ARHGAP24: variants seen among roughly 807,000 people sequenced by gnomAD.
The protein encoded by ARHGAP24 is rho GTPase-activating protein 24.
Under a neutral mutation model 76.4 loss-of-function variants are expected in ARHGAP24, and 50 were observed. The ratio of observed to expected loss-of-function variants is 0.65; its 90% CI spans 0.52 to 0.83. ARHGAP24 has a LOEUF of 0.83. Among genes scored for constraint, ARHGAP24 ranks in the 40% least tolerant of loss-of-function variants. The probability of loss-of-function intolerance (pLI) is 0.00; values close to 1 mark genes in which losing one functional copy is unlikely to be tolerated. For synonymous variants in ARHGAP24, 345 were observed against 323.3 expected (o/e 1.07, Z -0.72); for missense variants, 930 against 914.2 (o/e 1.02, Z -0.22).
At chr4:85,580,571 T>C (rs538980888) in intron 2 of ARHGAP24, among the ~76,000 whole-genome samples, 1 of 152,124 alleles carries the variant, frequency 6.6e-6, no homozygotes, top group Non-Finnish European at 1.5e-5. Flanking sequence ...CCCCTCCACA[T>C]GGCCCCAAAA....
intron 2 of ARHGAP24, among the ~76,000 whole-genome samples, chr4:85,591,407 A>G (rs184378307): frequency 2.6e-5 from 4 of 152,268 alleles, no homozygotes; most frequent in African/African-American, 9.6e-5. Flanking sequence ...CATATCTACC[A>G]ATGCTCATCT....
intron 2 of ARHGAP24, among the ~76,000 whole-genome samples, chr4:85,638,926 C>G (rs1043175947): frequency 3.3e-5 from 5 of 152,154 alleles, no homozygotes; most frequent in African/African-American, 1.2e-4. Context: ...GACATAATCT[C>G]ATGGTGCTAA....
chr4:85,981,383 A>G (rs1739659376), intron 8 of ARHGAP24, among the ~76,000 whole-genome samples: 1 of 152,156 alleles, frequency 6.6e-6, no homozygotes, highest in African/African-American at 2.4e-5. Flanking sequence ...TAAATTCCTA[A>G]GCACATTTCT....
intron 3 of ARHGAP24, among the ~76,000 whole-genome samples, chr4:85,785,903 A>G (rs1488856431): frequency 6.6e-6 from 1 of 152,158 alleles, no homozygotes; most frequent in East Asian, 1.9e-4. Flanking sequence ...TAAAGTGACC[A>G]TCATTTCTTA....
At chr4:85,894,954 C>G (rs1734058034) in intron 3 of ARHGAP24, among the ~76,000 whole-genome samples, 1 of 71,688 alleles carries the variant, frequency 1.4e-5, no homozygotes, top group Admixed American at 2.0e-4. Flanking sequence ...GAATGAGACT[C>G]CCTCTCAAAA....
At chr4:85,898,128 G>A (rs1734302259) in intron 3 of ARHGAP24, among the ~76,000 whole-genome samples, 1 of 149,904 alleles carries the variant, frequency 6.7e-6, no homozygotes, top group South Asian at 2.1e-4. Flanking sequence ...AAATGAAATT[G>A]TCTCCAAAAG....
chr4:85,925,299 T>C (rs149013569), intron 4 of ARHGAP24, among the ~76,000 whole-genome samples: 288 of 152,362 alleles, frequency 1.9e-3, no homozygotes, highest in African/African-American at 6.7e-3. Flanking sequence ...CTGCACACAC[T>C]ACCCGCTGCC....
chr4:85,710,417 A>G (rs557776328), intron 2 of ARHGAP24, among the ~76,000 whole-genome samples: 12 of 152,288 alleles, frequency 7.9e-5, no homozygotes, highest in African/African-American at 2.6e-4. Flanking sequence ...GGACATAGGA[A>G]TAGGCAAATA....
chr4:85,547,865 A>C lies in ARHGAP24; in HGVS notation c.-20-22657A>C, dbSNP rs561679964. On this transcript the variant is annotated intron_variant, in intron 1 of 9. Coordinates refer to ENST00000395184, the MANE Select transcript of ARHGAP24 (RefSeq NM_001025616.3). ...CTATTTAAATATCTTTTTTCTGTCAAACTTCTACCTACTAGTTTTTGCATC... is the reference window on the plus strand; with the variant it reads ...CTATTTAAATATCTTTTTTCTGTCACACTTCTACCTACTAGTTTTTGCATC... 2.3e-3 allele frequency among the ~76,000 whole-genome samples: 351 copies of C among 152,298 alleles called. 3 individuals carry two copies. The highest frequency in any genetic ancestry group is 8.0e-3 in the African/African-American group (333 of 41,560).
chr4:85,775,899 A>C (rs1727292637), intron 3 of ARHGAP24, among the ~76,000 whole-genome samples: 1 of 152,132 alleles, frequency 6.6e-6, no homozygotes, highest in Non-Finnish European at 1.5e-5. Context: ...GAAGCAGGGG[A>C]ATGATGGGAA....
chr4:85,789,786 C>T (rs1228464990), intron 3 of ARHGAP24, among the ~76,000 whole-genome samples: 9 of 152,208 alleles, frequency 5.9e-5, no homozygotes, highest in African/African-American at 1.9e-4. Flanking sequence ...GCCTTCTCCT[C>T]GAGAGACAAT....
At chr4:85,693,107 G>T (rs1315074029) in intron 2 of ARHGAP24, among the ~76,000 whole-genome samples, 11 of 152,176 alleles carry the variant, frequency 7.2e-5, no homozygotes, top group African/African-American at 2.7e-4. Flanking sequence ...TGATCCAGTA[G>T]ATGGCAATTA....
chr4:85,627,718 C>G (rs1015294305), intron 2 of ARHGAP24, among the ~76,000 whole-genome samples: 2 of 152,210 alleles, frequency 1.3e-5, no homozygotes, highest in Non-Finnish European at 2.9e-5. Context: ...TGGGCTCCAC[C>G]CAGTTCCAGC....
intron 3 of ARHGAP24, 116 bp from the exon 4 acceptor site, chr4:85,923,532 T>C: frequency 7.1e-7 from 1 of 1,413,276 alleles, no homozygotes; most frequent in Non-Finnish European, 9.8e-7. Flanking sequence ...CATCATTGGG[T>C]AGAACTTAGT....
chr4:85,945,502 G>A (rs1033463586), intron 5 of ARHGAP24, among the ~76,000 whole-genome samples: 1 of 152,052 alleles, frequency 6.6e-6, no homozygotes, highest in African/African-American at 2.4e-5. Flanking sequence ...GGTGGCTCAT[G>A]CCTATAATCC....
chr4:85,846,860 T>C (rs562623043), intron 3 of ARHGAP24, among the ~76,000 whole-genome samples: 5 of 152,364 alleles, frequency 3.3e-5, no homozygotes, highest in South Asian at 2.1e-4. Context: ...TCATTATTTA[T>C]GTGTCAGGGT....
chr4:85,631,132 T>C (rs923974659), intron 2 of ARHGAP24, among the ~76,000 whole-genome samples: 5 of 152,186 alleles, frequency 3.3e-5, no homozygotes, highest in African/African-American at 1.2e-4. Flanking sequence ...CATCATACTT[T>C]GGAAGGTCTT....
At chr4:85,973,205 G>A (rs533994598) in intron 6 of ARHGAP24, among the ~76,000 whole-genome samples, 6 of 152,212 alleles carry the variant, frequency 3.9e-5, no homozygotes, top group Middle Eastern at 3.4e-3. Flanking sequence ...GTTACCTGTC[G>A]TTTTTATCTT....
At chr4:85,798,663 A>T (rs1728461488) in intron 3 of ARHGAP24, among the ~76,000 whole-genome samples, 1 of 152,194 alleles carries the variant, frequency 6.6e-6, no homozygotes, top group Non-Finnish European at 1.5e-5. Context: ...CTGTAGGGGA[A>T]GCTACCGAAG....
Sources: gnomAD v4.1 joint callset for allele counts (sites outside exome capture counted in the v4.1 genomes callset) on GRCh38, gnomAD v4.1.1 for gene constraint, MANE v1.5 for transcripts, NCBI Gene and HGNC (gene_info 2026-07-23, HGNC 2026-07-21) for gene names.